The following RANBP2 variants were observed in gnomAD, a reference collection of about 807,000 sequenced individuals.
RANBP2 encodes RAN binding protein 2.
In RANBP2, 57 loss-of-function variants were observed where a neutral mutation model predicts 303.6. The ratio of observed to expected loss-of-function variants is 0.19; its 90% confidence interval spans 0.15 to 0.23. The LOEUF (loss-of-function observed/expected upper bound fraction) is 0.23. Ranked by LOEUF, RANBP2 falls within the 10% of genes least tolerant of loss-of-function variation. The pLI is 1.00. For synonymous variants in RANBP2, 1,167 were observed against 1,301.5 expected, an observed-to-expected ratio of 0.90 and a Z score of 2.23; for missense variants, 3,138 against 3,780.8, an observed-to-expected ratio of 0.83 and a Z score of 4.46.
the RANBP2 span, among the ~76,000 whole-genome samples, chr2:109,485,917 C>T: frequency 1.3e-5 from 2 of 152,282 alleles, no homozygotes; most frequent in South Asian, 2.1e-4. Flanking sequence ...CTCCTACACA[C>T]CTACCAGCAC....
chr2:108,760,300 T>A (rs143115410), intron 18 of RANBP2, among the ~76,000 whole-genome samples: 1 of 152,186 alleles, frequency 6.6e-6, no homozygotes, highest in Admixed American at 6.5e-5. Flanking sequence ...ATGAGATTGT[T>A]ACCATGTTAC....
At chr2:109,470,035 G>A in the RANBP2 span, among the ~76,000 whole-genome samples, 71,177 of 151,996 alleles carry the variant, frequency 0.47, 18,319 homozygotes, top group Non-Finnish European at 0.56. Context: ...CTCTTCGTGC[G>A]TCCTGTCTGA....
At chr2:109,243,756 C>G in the RANBP2 span, among the ~76,000 whole-genome samples, 2 of 152,082 alleles carry the variant, frequency 1.3e-5, no homozygotes, top group Admixed American at 1.3e-4. Flanking sequence ...CGGGGTGGCC[C>G]GAGTGGTTTT....
At chr2:109,736,971 A>G in the RANBP2 span, among the ~76,000 whole-genome samples, 1 of 152,072 alleles carries the variant, frequency 6.6e-6, no homozygotes, top group Non-Finnish European at 1.5e-5. Context: ...AAAAAAAAAA[A>G]GAAGTCATGT....
At chr2:108,818,152 A>G in the RANBP2 span, among the ~76,000 whole-genome samples, 14 of 152,140 alleles carry the variant, frequency 9.2e-5, no homozygotes, top group African/African-American at 3.4e-4. Context: ...CAAAAAATAC[A>G]AAAGTTAGCC....
chr2:108,744,405 CA>C (rs35651916), intron 7 of RANBP2, among the ~76,000 whole-genome samples: 51,358 of 133,600 alleles, frequency 0.38, 11,675 homozygotes, highest in African/African-American at 0.68. Context: ...GACTCCATCT[CA>C]AAAAAAAAAA....
the RANBP2 span, among the ~76,000 whole-genome samples, chr2:109,417,209 G>A: frequency 6.6e-6 from 1 of 152,164 alleles, no homozygotes; most frequent in Non-Finnish European, 1.5e-5. Context: ...GGGCCTGGTG[G>A]AGAGTGAGGT....
chr2:109,051,950 G>A, the RANBP2 span, among the ~76,000 whole-genome samples: 2 of 152,024 alleles, frequency 1.3e-5, no homozygotes, highest in African/African-American at 2.4e-5. Context: ...GGGTTTCACC[G>A]TGTTAGCCAG....
the RANBP2 span, among the ~76,000 whole-genome samples, chr2:109,652,291 C>T: frequency 1.2e-4 from 18 of 151,628 alleles, no homozygotes; most frequent in Non-Finnish European, 2.5e-4. Flanking sequence ...GGCGCCATCT[C>T]GGCTCACTGC....
chr2:109,272,980 A>G, the RANBP2 span, among the ~76,000 whole-genome samples: 1 of 152,238 alleles, frequency 6.6e-6, no homozygotes, highest in Non-Finnish European at 1.5e-5. Context: ...AAGCTACTGG[A>G]AGAAATTAAA....
At chr2:109,596,663 G>A in the RANBP2 span, among the ~76,000 whole-genome samples, 1 of 151,094 alleles carries the variant, frequency 6.6e-6, no homozygotes, top group Admixed American at 6.6e-5. Context: ...ATACTCATTT[G>A]CCATTAAACT....
At chr2:109,117,352 C>T in the RANBP2 span, among the ~76,000 whole-genome samples, 13 of 152,306 alleles carry the variant, frequency 8.5e-5, no homozygotes, top group African/African-American at 2.6e-4. Context: ...GTGCCCCTCC[C>T]GCAGCCTCAC....
At chr2:109,639,718 A>T in the RANBP2 span, among the ~76,000 whole-genome samples, 2 of 146,334 alleles carry the variant, frequency 1.4e-5, no homozygotes. Flanking sequence ...ACAATACTAG[A>T]TTTTTTTTTT....
chr2:109,097,548 T>G, the RANBP2 span, among the ~76,000 whole-genome samples: 1 of 152,274 alleles, frequency 6.6e-6, no homozygotes, highest in South Asian at 2.1e-4. Context: ...TGAAATTTAT[T>G]TTGTGTATAG....
the RANBP2 span, among the ~76,000 whole-genome samples, chr2:109,711,304 C>A: frequency 6.6e-6 from 1 of 151,992 alleles, no homozygotes; most frequent in African/African-American, 2.4e-5. Context: ...ATTTCCAAAC[C>A]CCTCACGCCC....
chr2:108,997,459 A>AAAAAAAAAAAAAAAAG, the RANBP2 span, among the ~76,000 whole-genome samples: 11 of 131,468 alleles, frequency 8.4e-5, no homozygotes, highest in East Asian at 3.9e-4. Flanking sequence ...AAAAAAAAAA[A>AAAAAAAAAAAAAAAAG]AAAAGATGAT....
At chr2:109,571,983 T>C in the RANBP2 span, among the ~76,000 whole-genome samples, 1 of 152,252 alleles carries the variant, frequency 6.6e-6, no homozygotes, top group African/African-American at 2.4e-5. Context: ...CAATAAACTG[T>C]GCCTGTTAAT....
At chr2:109,408,547 A>G in the RANBP2 span, among the ~76,000 whole-genome samples, 1 of 152,216 alleles carries the variant, frequency 6.6e-6, no homozygotes, top group African/African-American at 2.4e-5. Context: ...GTTCGCTCTC[A>G]GGACCTCGTC....
intron 8 of RANBP2, among the ~76,000 whole-genome samples, chr2:108,748,247 G>T (rs1039734298): frequency 6.7e-6 from 1 of 149,270 alleles, no homozygotes; most frequent in Non-Finnish European, 1.5e-5. Context: ...TTACTCTGTC[G>T]CCCGGGCTGG....
Sources: allele counts gnomAD v4.1 joint callset (sites outside exome capture counted in the v4.1 genomes callset), GRCh38; gene constraint gnomAD v4.1.1; transcripts MANE v1.5; gene names NCBI Gene and HGNC (gene_info 2026-07-23, HGNC 2026-07-21).